The following OTUD7B variants were observed in gnomAD, a reference collection of about 807,000 sequenced individuals.
OTUD7B encodes the protein OTU domain-containing protein 7B.
In OTUD7B, 34 loss-of-function variants were observed where a neutral mutation model predicts 82.2. The ratio of observed to expected loss-of-function variants is 0.41; its 90% CI spans 0.31 to 0.55. The LOEUF (loss-of-function observed/expected upper bound fraction) is 0.55. OTUD7B is among the 20% of genes least tolerant of loss of function. OTUD7B has a pLI of 0.20. For missense variants in OTUD7B, 944 were observed against 1,062.1 expected (o/e 0.89, Z 1.55); for synonymous variants, 398 against 402.7 (o/e 0.99, Z 0.14).
chr1:150,063,324 A>C, the OTUD7B span, among the ~76,000 whole-genome samples: 7 of 152,128 alleles, frequency 4.6e-5, no homozygotes, highest in South Asian at 1.2e-3. Flanking sequence ...GGTGGCGGGC[A>C]CCTGTAGTGC....
chr1:150,063,650 T>C, the OTUD7B span, among the ~76,000 whole-genome samples: 384 of 152,330 alleles, frequency 2.5e-3, 3 homozygotes, highest in African/African-American at 8.9e-3. Flanking sequence ...TATAATATTC[T>C]CACTGTGGCT....
chr1:150,066,098 A>C, the OTUD7B span, among the ~76,000 whole-genome samples: 1 of 152,230 alleles, frequency 6.6e-6, no homozygotes, highest in East Asian at 1.9e-4. The surrounding 1 kb of genome is among the most constrained non-coding windows in gnomAD (Gnocchi z 4.6). Flanking sequence ...TTTCTTAAAA[A>C]AGCACAGAAA....
At chr1:150,014,109 A>ATATATATATAT (rs1559875242), upstream of OTUD7B, among the ~76,000 whole-genome samples, 11 of 101,064 alleles carry the variant, frequency 1.1e-4, no homozygotes, top group African/African-American at 4.4e-4. Context: ...TATATATAGT[A>ATATATATATAT]GGGGCTCAGC....
rs899014686 is a variant in OTUD7B at position 150,008,052 on chromosome 1, C to T, written c.-67+2396G>A. Among the ~76,000 whole-genome samples the T allele has an allele frequency of 2.0e-5, 3 of 152,302 alleles. No individual in the cohort carries two copies. In the South Asian group the frequency reaches 6.2e-4, roughly 32 times the overall value. Reference sequence around the variant, plus strand: ...TTTGACAAGTGGCACTTAGTGCCCTCATAACAATCAGAATACTTATTTTGG... The same window carrying T: ...TTTGACAAGTGGCACTTAGTGCCCTTATAACAATCAGAATACTTATTTTGG... On this transcript the variant is annotated intron_variant, in intron 1 of 11. Coordinates refer to ENST00000581312, the MANE Select transcript of OTUD7B (RefSeq NM_020205.4).
At chr1:150,034,333 C>T in the OTUD7B span, among the ~76,000 whole-genome samples, 3 of 152,188 alleles carry the variant, frequency 2.0e-5, no homozygotes, top group Non-Finnish European at 4.4e-5. Flanking sequence ...TAATAATAAA[C>T]ACATGTCCAT....
chr1:150,046,801 T>G, the OTUD7B span, among the ~76,000 whole-genome samples: 1 of 151,538 alleles, frequency 6.6e-6, no homozygotes, highest in African/African-American at 2.4e-5. Context: ...GTGGGCATGG[T>G]GGCTCACGCC....
rs138355750 is a variant in OTUD7B at position 150,008,032 on chromosome 1, C to A, written c.-67+2416G>T. Among the ~76,000 whole-genome samples the A allele has an allele frequency of 1.4e-4, 21 of 152,310 alleles. No homozygotes were observed. In the South Asian group the frequency reaches 3.9e-3, roughly 29 times the overall value. On this transcript the variant is annotated intron_variant, in intron 1 of 11. Transcript: ENST00000581312. ...ATACTCAGGAGCTCCAAAACTTTGACAAGTGGCACTTAGTGCCCTCATAAC... is the reference window on the plus strand; with the variant it reads ...ATACTCAGGAGCTCCAAAACTTTGAAAAGTGGCACTTAGTGCCCTCATAAC...
the OTUD7B span, among the ~76,000 whole-genome samples, chr1:150,066,810 C>A: frequency 1.3e-5 from 2 of 152,194 alleles, no homozygotes; most frequent in Non-Finnish European, 2.9e-5. The surrounding 1 kb of genome is among the most constrained non-coding windows in gnomAD (Gnocchi z 4.6). Flanking sequence ...AGAGGGGAGA[C>A]CTGTGTGGTG....
the OTUD7B span, among the ~76,000 whole-genome samples, chr1:150,044,029 G>C: frequency 6.6e-6 from 1 of 151,884 alleles, no homozygotes; most frequent in Non-Finnish European, 1.5e-5. Flanking sequence ...GAGGTAGGAG[G>C]ACCTCTTGAA....
At chr1:149,957,837 G>T (rs782683688) in intron 7 of OTUD7B, among the ~76,000 whole-genome samples, 6 of 152,238 alleles carry the variant, frequency 3.9e-5, no homozygotes, top group East Asian at 1.9e-4. Flanking sequence ...CTCCGAGCCA[G>T]GCACGGGATA....
intron 1 of OTUD7B, among the ~76,000 whole-genome samples, chr1:149,998,400 T>C (rs965717218): frequency 6.6e-6 from 1 of 152,212 alleles, no homozygotes; most frequent in African/African-American, 2.4e-5. Context: ...CTCCAATTTA[T>C]CTAACTCTCT....
At position 149,974,551 on chromosome 1, in the gene OTUD7B, CT is replaced by C. The variant is rs1559848243; in HGVS notation, c.85+2874del. On this transcript the variant is annotated intron_variant, in intron 2 of 11. Transcript: ENST00000581312. ...TTTCTTCTTTTTTTTTCTTAGTTAACTTTTTTTTTTTTTTTGTAGACAGAGT... is the reference window on the plus strand; with the variant it reads ...TTTCTTCTTTTTTTTTCTTAGTTAACTTTTTTTTTTTTTTGTAGACAGAGT... Among the ~76,000 whole-genome samples the C allele has an allele frequency of 1.2e-4, 4 of 32,804 alleles. 2 individuals carry two copies. Among genetic ancestry groups the C allele is most frequent in the Non-Finnish European group, 3.2e-4 (4 of 12,384 alleles). The allele number at this position is 32,804 out of a possible 152,430, so 21.5% of individuals were successfully genotyped here. A position where few individuals can be genotyped will look rare whatever the true frequency, so the allele number is the denominator to read the frequency against.
intron 4 of OTUD7B, among the ~76,000 whole-genome samples, 174 bp from the exon 5 acceptor site, chr1:149,966,052 G>A (rs1270589459): frequency 6.6e-6 from 1 of 152,204 alleles, no homozygotes; most frequent in Non-Finnish European, 1.5e-5. Flanking sequence ...AGAATCTTGT[G>A]AGCACAATTG....
At position 149,944,203 on chromosome 1, in the gene OTUD7B, G is replaced by T. The variant is rs782097716; in HGVS notation, c.2186C>A (p.Thr729Asn). The T allele has an allele frequency of 1.1e-5, 18 of 1,613,482 alleles. No homozygotes were observed. The highest frequency in any genetic ancestry group is 1.4e-5 in the Non-Finnish European group (17 of 1,179,642). The change falls in exon 12 of 12, where the codon ACC (threonine) becomes AAC (asparagine). Residue 729 changes from threonine (T) to asparagine (N), a missense_variant. Physicochemically the swap from Thr to Asn is moderately conservative, Grantham distance 65. Coordinates refer to ENST00000581312, the MANE Select transcript of OTUD7B (RefSeq NM_020205.4). ...PCVGGLPPYATFPRQCPPGRP... is the reference protein window; with the variant it reads ...PCVGGLPPYANFPRQCPPGRP... ...CCCAGGAGGGCACTGTCTGGGGAAG[G>T]TGGCATATGGTGGTAGGCCCCCGAC...
At chr1:150,007,897 C>T (rs9988489) in intron 1 of OTUD7B, among the ~76,000 whole-genome samples, 7,937 of 152,166 alleles carry the variant, frequency 0.052, 718 homozygotes, top group African/African-American at 0.18. Flanking sequence ...TTTCAAAGCG[C>T]TGTTTAAGGA....
intron 6 of OTUD7B, chr1:149,963,292 G>A (rs587760062): frequency 1.3e-5 from 2 of 152,152 alleles, no homozygotes; most frequent in South Asian, 4.1e-4. Flanking sequence ...TATACATAAA[G>A]AGCAGGAGAT....
At chr1:150,022,188 G>A in the OTUD7B span, among the ~76,000 whole-genome samples, 17 of 151,846 alleles carry the variant, frequency 1.1e-4, no homozygotes, top group African/African-American at 3.6e-4. Flanking sequence ...ACCTGAGGTC[G>A]GGAGTTCGAG....
upstream of OTUD7B, among the ~76,000 whole-genome samples, chr1:150,011,649 C>T (rs74645254): frequency 1.4e-4 from 22 of 152,256 alleles, no homozygotes; most frequent in East Asian, 4.2e-3. Flanking sequence ...AAAGAAAGGC[C>T]ATTTAGTAAA....
chr1:150,006,586 A>G (rs1404796882), intron 1 of OTUD7B, among the ~76,000 whole-genome samples: 1 of 152,200 alleles, frequency 6.6e-6, no homozygotes, highest in Non-Finnish European at 1.5e-5. Flanking sequence ...TAAAAAAAAC[A>G]CAGTTGAAAA....
Sources: gnomAD v4.1 joint callset for allele counts (sites outside exome capture counted in the v4.1 genomes callset) on GRCh38, gnomAD v4.1.1 for gene constraint, Gnocchi (gnomAD v3.1) non-coding constraint, MANE v1.5 for transcripts, NCBI Gene and HGNC (gene_info 2026-07-23, HGNC 2026-07-21) for gene names.